Variants in DNAJC11 observed in about 807,000 individuals in gnomAD.
The protein encoded by DNAJC11 is dnaJ homolog subfamily C member 11.
DNAJC11 carries 15 observed loss-of-function variants against 78.6 expected under a neutral mutation model. The observed-to-expected ratio is 0.19, with a 90% confidence interval of 0.13 to 0.29. The LOEUF (loss-of-function observed/expected upper bound fraction) is 0.29, where lower values mean the gene tolerates loss of function less well. Among genes scored for constraint, DNAJC11 ranks in the 10% least tolerant of loss-of-function variants. The pLI is 1.00. For missense variants in DNAJC11, 547 were observed against 709.6 expected (o/e 0.77, Z 2.60); for synonymous variants, 292 against 272.1 (o/e 1.07, Z -0.72).
At chr1:6,692,581 T>C (rs1642762751) in intron 1 of DNAJC11, among the ~76,000 whole-genome samples, 2 of 151,102 alleles carry the variant, frequency 1.3e-5, no homozygotes, top group African/African-American at 4.9e-5. Flanking sequence ...CTCAGTGTTT[T>C]GAACAGAAAG....
At chr1:6,656,837 GC>G (rs1353187256) in intron 4 of DNAJC11, among the ~76,000 whole-genome samples, 2 of 151,974 alleles carry the variant, frequency 1.3e-5, no homozygotes, top group African/African-American at 4.8e-5. Flanking sequence ...GATTCCTTGA[GC>G]CCAGGAGGCC....
intron 1 of DNAJC11, among the ~76,000 whole-genome samples, chr1:6,693,617 C>T (rs944503206): frequency 1.3e-5 from 2 of 151,526 alleles, no homozygotes; most frequent in Non-Finnish European, 2.9e-5. Context: ...CTCCTGACCT[C>T]GTGATTCACC....
chr1:6,681,112 A>G, intron 1 of DNAJC11, 75 bp from the exon 2 acceptor site: 1 of 1,482,802 alleles, frequency 6.7e-7, no homozygotes, highest in East Asian at 2.3e-5. Flanking sequence ...CAGCCTTGAA[A>G]TGGGAACCCA....
chr1:6,668,700 C>G (rs964042067), intron 3 of DNAJC11, among the ~76,000 whole-genome samples: 1 of 152,014 alleles, frequency 6.6e-6, no homozygotes, highest in Non-Finnish European at 1.5e-5. Flanking sequence ...TCCCAAAGTG[C>G]TGGGATTGCA....
At position 6,634,624 on chromosome 1, in the gene DNAJC11, C is replaced by T. The variant is rs1641720101; in HGVS notation, c.*1051G>A. On this transcript the variant is annotated 3_prime_UTR_variant, in exon 16 of 16. Transcript: ENST00000377577. ...GAGAGACAGGCCTCACGTAACTTTA[C>T]TGCAGCCGAGGTCCAGGCCGTGGAG... 1.5e-6 allele frequency: 2 copies of T among 1,366,470 alleles called. No individual in the cohort carries two copies. The highest frequency in any genetic ancestry group is 2.0e-6 in the Non-Finnish European group (2 of 1,021,834). 84.6% of individuals were successfully genotyped at this position (1,366,470 alleles called of 1,614,324 possible).
intron 12 of DNAJC11, 149 bp downstream of exon 12, chr1:6,638,146 G>T: frequency 4.4e-6 from 3 of 685,810 alleles, no homozygotes; most frequent in Non-Finnish European, 7.2e-6. Flanking sequence ...GGACTGCAGA[G>T]CCCAGTGTCG....
intron 3 of DNAJC11, among the ~76,000 whole-genome samples, chr1:6,673,841 G>A (rs1363193619): frequency 1.3e-5 from 2 of 152,156 alleles, no homozygotes; most frequent in Non-Finnish European, 2.9e-5. Context: ...CCATATTACT[G>A]CTTTTAATAC....
In DNAJC11 at chr1:6,695,387, C is replaced by T. The variant is rs1642818458; in HGVS notation, c.72+6342G>A. On this transcript the variant is annotated intron_variant, in intron 1 of 15. Transcript: ENST00000377577. Reference sequence around the variant, plus strand: ...ATATTAACTAAATACCTACTTATGACAGGCAATTTATATACATTCTCAGCA... The same window carrying T: ...ATATTAACTAAATACCTACTTATGATAGGCAATTTATATACATTCTCAGCA... Among the ~76,000 whole-genome samples the T allele has an allele frequency of 2.0e-5, 3 of 151,864 alleles. No homozygotes were observed. In the South Asian group the frequency reaches 6.2e-4, roughly 31 times the overall value.
In DNAJC11 at chr1:6,678,586, C is replaced by T. The variant is rs1013704142; in HGVS notation, c.203-119G>A. ...GTTCTCCCTGTCTGATCACAATCTTCCTAGAGACCCCTTTCATTTTCTACA... is the reference window on the plus strand; with the variant it reads ...GTTCTCCCTGTCTGATCACAATCTTTCTAGAGACCCCTTTCATTTTCTACA... On this transcript the variant is annotated intron_variant, in intron 2 of 15. Transcript: ENST00000377577. 6.6e-6 allele frequency: 5 copies of T among 752,242 alleles called. No homozygotes were observed. In the Admixed American group the frequency reaches 1.4e-4, roughly 22 times the overall value. 46.6% of individuals were successfully genotyped at this position (752,242 alleles called of 1,614,324 possible).
At position 6,635,281 on chromosome 1, in the gene DNAJC11, G is replaced by C; in HGVS notation, c.*394C>G. The stretch of plus-strand genomic sequence containing the variant: ...TTTCCCATGTTCAGCGTGGACTGCA[G>C]AAGTGGCTCACGCTCCTGTGGTGAG... On this transcript the variant is annotated 3_prime_UTR_variant, in exon 16 of 16. Coordinates refer to ENST00000377577, the MANE Select transcript of DNAJC11 (RefSeq NM_018198.4). 1.1e-5 allele frequency: 2 copies of C among 188,290 alleles called. No individual in the cohort carries two copies. Among genetic ancestry groups the C allele is most frequent in the South Asian group, 1.2e-4 (1 of 8,532 alleles). The allele number at this position is 188,290 out of a possible 1,614,324, so 11.7% of individuals were successfully genotyped here.
intron 1 of DNAJC11, among the ~76,000 whole-genome samples, chr1:6,682,377 A>G (rs1642568227): frequency 6.6e-6 from 1 of 152,144 alleles, no homozygotes; most frequent in African/African-American, 2.4e-5. Context: ...CGAGTTTATC[A>G]GGGGTTCTAA....
chr1:6,673,411 A>T (rs184456965), intron 3 of DNAJC11, among the ~76,000 whole-genome samples: 1 of 152,222 alleles, frequency 6.6e-6, no homozygotes, highest in African/African-American at 2.4e-5. Context: ...GGGAGACCTC[A>T]GGCAAGTCAC....
intron 4 of DNAJC11, among the ~76,000 whole-genome samples, chr1:6,662,383 G>A (rs1642230245): frequency 6.6e-6 from 1 of 151,838 alleles, no homozygotes; most frequent in Non-Finnish European, 1.5e-5. Flanking sequence ...TAGTAGAGAT[G>A]GGGTTTCACC....
chr1:6,673,892 C>T (rs1051043024), intron 3 of DNAJC11, among the ~76,000 whole-genome samples: 1 of 152,050 alleles, frequency 6.6e-6, no homozygotes, highest in Admixed American at 6.6e-5. Context: ...ATGTCAGAGA[C>T]AGGGAAAAGT....
At position 6,678,461 on chromosome 1, in the gene DNAJC11, C is replaced by T. The variant is rs765479606; in HGVS notation, c.209G>A (p.Ser70Asn). The T allele has an allele frequency of 1.9e-6, 3 of 1,610,806 alleles. No individual in the cohort carries two copies. Among genetic ancestry groups the T allele is most frequent in the Non-Finnish European group, 2.5e-6 (3 of 1,179,020 alleles). Residue 70 changes from serine (S) to asparagine (N), a missense_variant, in exon 3 of 16, where the codon AGT becomes AAT. Physicochemically the swap from Ser to Asn is conservative, Grantham distance 46. Transcript: ENST00000377577. ...ATAGATGGCCCTGGTTTGGGGGTCA[C>T]TAAGCACTGCAAATTAAAAATTAAA... ...NLVHQAYEVL[S>N]DPQTRAIYDI...
intron 1 of DNAJC11, among the ~76,000 whole-genome samples, chr1:6,682,914 G>T (rs1570307651): frequency 1.3e-5 from 2 of 151,898 alleles, no homozygotes; most frequent in East Asian, 3.9e-4. Flanking sequence ...GACAGAGGGG[G>T]AAAAAAAACT....
At chr1:6,695,163 T>A (rs3986426) in intron 1 of DNAJC11, among the ~76,000 whole-genome samples, 2 of 21,862 alleles carry the variant, frequency 9.1e-5, no homozygotes, top group Non-Finnish European at 1.8e-4. Context: ...AAAAAAAAAA[T>A]TTTTTTTTTT....
chr1:6,645,475 G>A lies in DNAJC11; in HGVS notation c.894+314C>T, dbSNP rs576228238. Among the ~76,000 whole-genome samples the A allele has an allele frequency of 6.6e-6, 1 of 152,216 alleles. No homozygotes were observed. Among genetic ancestry groups the A allele is most frequent in the Non-Finnish European group, 1.5e-5 (1 of 68,036 alleles). On this transcript the variant is annotated intron_variant, in intron 8 of 15. Transcript: ENST00000377577. The surrounding 1 kb of genome is among the most constrained non-coding windows in gnomAD (Gnocchi z 4.1). ...TGGTGTGGCCACAGGGGCGTCCGAG[G>A]GCATGATTCTGCTATGGGGCTTCAT...
chr1:6,688,220 C>T (rs1642688131), intron 1 of DNAJC11, among the ~76,000 whole-genome samples: 1 of 152,150 alleles, frequency 6.6e-6, no homozygotes, highest in South Asian at 2.1e-4. Flanking sequence ...CTCCATAAGC[C>T]CTGACTCACT....
Sources: allele counts gnomAD v4.1 joint callset (sites outside exome capture counted in the v4.1 genomes callset), GRCh38; gene constraint gnomAD v4.1.1; non-coding constraint Gnocchi (gnomAD v3.1); transcripts MANE v1.5; gene names NCBI Gene and HGNC (gene_info 2026-07-23, HGNC 2026-07-21).